EPHA6: variants seen among roughly 807,000 people sequenced by gnomAD.
The protein encoded by EPHA6 is EPH receptor A6.
In EPHA6, 50 loss-of-function variants were observed where a neutral mutation model predicts 112.0. The ratio of observed to expected loss-of-function variants is 0.45; its 90% CI spans 0.36 to 0.56. The LOEUF is 0.56. EPHA6 is among the 20% of genes least tolerant of loss of function. The pLI, the probability that EPHA6 is intolerant of heterozygous loss-of-function variation, is 0.00. For missense variants in EPHA6, 1,280 were observed against 1,417.4 expected (o/e 0.90, Z 1.56); for synonymous variants, 529 against 490.7 (o/e 1.08, Z -1.03).
At chr3:96,913,511 A>G (rs777911055) in intron 2 of EPHA6, among the ~76,000 whole-genome samples, 9 of 152,098 alleles carry the variant, frequency 5.9e-5, no homozygotes, top group Non-Finnish European at 1.3e-4. Flanking sequence ...AAGCTCTCTA[A>G]TTTTCTAAAC....
At chr3:97,302,868 G>A (rs2081152176) in intron 5 of EPHA6, among the ~76,000 whole-genome samples, 1 of 151,632 alleles carries the variant, frequency 6.6e-6, no homozygotes, top group Admixed American at 6.6e-5. Context: ...GAAAAATTAA[G>A]CAATTCACTC....
chr3:96,844,049 C>T (rs2107337300), intron 1 of EPHA6, among the ~76,000 whole-genome samples: 1 of 152,052 alleles, frequency 6.6e-6, no homozygotes. Flanking sequence ...AACACAGTTC[C>T]CATCTAGGCT....
intron 15 of EPHA6, among the ~76,000 whole-genome samples, chr3:97,723,639 A>G (rs1298570799): frequency 6.6e-6 from 1 of 152,174 alleles, no homozygotes; most frequent in African/African-American, 2.4e-5. Flanking sequence ...CTTGACGTGC[A>G]TTACCAAAGA....
chr3:97,738,237 A>G (rs1404132523), intron 16 of EPHA6, among the ~76,000 whole-genome samples: 2 of 151,826 alleles, frequency 1.3e-5, no homozygotes, highest in Admixed American at 6.6e-5. Context: ...TTGTTTTTAT[A>G]TGAGTTATTG....
At chr3:96,989,582 T>C (rs1354822142) in intron 3 of EPHA6, among the ~76,000 whole-genome samples, 1 of 152,090 alleles carries the variant, frequency 6.6e-6, no homozygotes, top group Admixed American at 6.6e-5. Context: ...TGAGACTGGG[T>C]AATTTATGAA....
chr3:97,262,071 G>A (rs1462406991), intron 5 of EPHA6, among the ~76,000 whole-genome samples: 1 of 152,078 alleles, frequency 6.6e-6, no homozygotes, highest in East Asian at 1.9e-4. Flanking sequence ...ATGCTAGCCA[G>A]AAACATACTT....
chr3:97,760,349 T>C lies in EPHA6; in HGVS notation c.*11648T>C. ...TTGTTTCTGGAGATATATATATATATATTATATATATGTATATATACCATA... is the reference window on the plus strand; with the variant it reads ...TTGTTTCTGGAGATATATATATATACATTATATATATGTATATATACCATA... On this transcript the variant is annotated 3_prime_UTR_variant, in exon 18 of 18. Transcript: ENST00000389672. The C allele has an allele frequency of 6.3e-6, 1 of 157,530 alleles. No homozygotes were observed. The highest frequency in any genetic ancestry group is 1.4e-5 in the Non-Finnish European group (1 of 73,110). 9.8% of individuals were successfully genotyped at this position (157,530 alleles called of 1,614,324 possible).
intron 2 of EPHA6, among the ~76,000 whole-genome samples, chr3:96,908,572 G>A (rs888781357): frequency 1.6e-4 from 25 of 151,768 alleles, no homozygotes; most frequent in African/African-American, 5.3e-4. Context: ...TTCCCGTGCC[G>A]ATTTCAGTGG....
intron 5 of EPHA6, among the ~76,000 whole-genome samples, chr3:97,380,189 C>A (rs2085645763): frequency 6.6e-6 from 1 of 152,072 alleles, no homozygotes; most frequent in South Asian, 2.1e-4. Context: ...TAGACATGAT[C>A]TGAAGACATG....
chr3:97,578,790 G>C (rs1452939696), intron 11 of EPHA6, among the ~76,000 whole-genome samples: 1 of 152,030 alleles, frequency 6.6e-6, no homozygotes, highest in Non-Finnish European at 1.5e-5. Flanking sequence ...AAAAATTTCA[G>C]GGAACTAAAA....
At chr3:96,991,761 G>A (rs554097800) in intron 3 of EPHA6, among the ~76,000 whole-genome samples, 2 of 152,178 alleles carry the variant, frequency 1.3e-5, no homozygotes, top group South Asian at 2.1e-4. Flanking sequence ...ATGAAGTTTC[G>A]TTGCTAAAAT....
At chr3:97,616,119 GGGCCATCTTTGC>G (rs2093764056) in intron 13 of EPHA6, among the ~76,000 whole-genome samples, 2 of 152,168 alleles carry the variant, frequency 1.3e-5, no homozygotes, top group African/African-American at 2.4e-5. Flanking sequence ...CACAGAGGAA[GGGCCATCTTTGC>G]GGTTTCAGAG....
At chr3:97,543,793 C>T (rs1221990489) in intron 11 of EPHA6, among the ~76,000 whole-genome samples, 2 of 151,990 alleles carry the variant, frequency 1.3e-5, no homozygotes, top group Non-Finnish European at 2.9e-5. Flanking sequence ...TGTAGTTCTC[C>T]TTGAAGAGGT....
At chr3:97,388,691 G>A (rs754772728) in intron 5 of EPHA6, among the ~76,000 whole-genome samples, 1 of 152,146 alleles carries the variant, frequency 6.6e-6, no homozygotes, top group Non-Finnish European at 1.5e-5. Flanking sequence ...ATTTATGACA[G>A]CTGAATTCTT....
At chr3:96,886,245 A>G (rs889968345) in intron 2 of EPHA6, among the ~76,000 whole-genome samples, 2 of 152,136 alleles carry the variant, frequency 1.3e-5, no homozygotes, top group Non-Finnish European at 2.9e-5. Context: ...TTCTGTTTTG[A>G]TGACCTGTCT....
At chr3:97,406,707 G>A (rs1289010974) in intron 6 of EPHA6, among the ~76,000 whole-genome samples, 3 of 152,046 alleles carry the variant, frequency 2.0e-5, no homozygotes, top group Non-Finnish European at 4.4e-5. Context: ...GCATTATGTA[G>A]TCAATAAAAA....
At chr3:97,631,357 T>C (rs1025136083) in intron 13 of EPHA6, among the ~76,000 whole-genome samples, 1 of 151,960 alleles carries the variant, frequency 6.6e-6, no homozygotes, top group Non-Finnish European at 1.5e-5. Flanking sequence ...GCTTGAAGTG[T>C]CCAGTGTTTG....
intron 11 of EPHA6, among the ~76,000 whole-genome samples, chr3:97,533,528 G>A (rs2092718896): frequency 6.6e-6 from 1 of 152,076 alleles, no homozygotes; most frequent in Admixed American, 6.6e-5. Context: ...GACAGATGTT[G>A]CAGTGGACTA....
At chr3:97,085,927 T>TTGTATATATATATATATATATA (rs1559718504) in intron 3 of EPHA6, among the ~76,000 whole-genome samples, 7 of 103,952 alleles carry the variant, frequency 6.7e-5, no homozygotes, top group African/African-American at 6.5e-4. Context: ...ATATATGATG[T>TTGTATATATATATATATATATA]CATATATATA....
Sources: gnomAD v4.1 joint callset for allele counts (sites outside exome capture counted in the v4.1 genomes callset) on GRCh38, gnomAD v4.1.1 for gene constraint, MANE v1.5 for transcripts, NCBI Gene and HGNC (gene_info 2026-07-23, HGNC 2026-07-21) for gene names.